Variants in SPG7 observed in about 807,000 individuals in gnomAD.
SPG7 encodes the protein SPG7 matrix AAA peptidase subunit, paraplegin.
SPG7 carries 103 observed loss-of-function variants against 81.9 expected under a neutral mutation model. That is an observed-to-expected ratio of 1.26 (90% CI 1.07 to 1.48). The LOEUF is 1.48. SPG7 is among the 40% of genes most tolerant of loss of function. The pLI is 0.00. For synonymous variants in SPG7, 534 were observed against 444.2 expected (o/e 1.20, Z -2.54); for missense variants, 1,241 against 1,087.3 (o/e 1.14, Z -1.99).
intron 13 of SPG7, 159 bp from the exon 14 acceptor site, chr16:89,552,820 A>C (rs2058649556): frequency 1.4e-6 from 1 of 708,128 alleles, no homozygotes. Flanking sequence ...TGGGCTGGCC[A>C]TCTAGAGTGT....
intron 6 of SPG7, chr16:89,530,337 G>C (rs1041703374): frequency 2.8e-6 from 1 of 363,554 alleles, no homozygotes; most frequent in African/African-American, 2.1e-5. Flanking sequence ...GGTAGAGACA[G>C]GTTTCACCGT....
At position 89,554,562 on chromosome 16, in the gene SPG7, C is replaced by T. The variant is rs760043860; in HGVS notation, c.2180C>T (p.Ala727Val). ...CAGGACAACCTGGACAAGTTGCAGGCGGTGAGGCCCTGGCCAGGCGTGGGG... is the reference window on the plus strand; with the variant it reads ...CAGGACAACCTGGACAAGTTGCAGGTGGTGAGGCCCTGGCCAGGCGTGGGG... ...VLQDNLDKLQ[A>V]LANALLEKEV... Residue 727 changes from alanine to valine, a missense_variant and splice_region_variant, in exon 16 of 17, where the codon GCG becomes GTG. Transcript: ENST00000645818. 1.9e-5 allele frequency: 31 copies of T among 1,606,564 alleles called. No individual in the cohort carries two copies. The highest frequency in any genetic ancestry group is 1.7e-4 in the Middle Eastern group (1 of 6,032).
Position 89,526,396 on chromosome 16 carries a change from C to G in SPG7, c.686C>G (p.Ala229Gly). The change falls in exon 5 of 17, where the codon GCT becomes GGT. Residue 229 changes from alanine (A) to glycine (G), a missense_variant. By Grantham distance (60) the Ala-to-Gly change is moderately conservative. Coordinates refer to ENST00000645818, the MANE Select transcript of SPG7 (RefSeq NM_003119.4). ...AAGTTTGAAGAGAAGCTTCGAGCAGCTGAAGATGAGCTGAATATCGAGGCC... is the reference window on the plus strand; with the variant it reads ...AAGTTTGAAGAGAAGCTTCGAGCAGGTGAAGATGAGCTGAATATCGAGGCC... The part of the protein sequence containing the change: ...IDKFEEKLRA[A>G]EDELNIEAKD... 6.2e-6 allele frequency: 10 copies of G among 1,614,188 alleles called. No homozygotes were observed. The highest frequency in any genetic ancestry group is 8.5e-6 in the Non-Finnish European group (10 of 1,180,034).
At chr16:89,545,023 C>T in intron 10 of SPG7, 2 of 556,546 alleles carry the variant, frequency 3.6e-6, no homozygotes, top group Non-Finnish European at 6.6e-6. Flanking sequence ...GCTGCACTCA[C>T]TGCTCGGGGT....
In SPG7 at chr16:89,556,925, T is replaced by C. The variant is rs773911442; in HGVS notation, c.2220T>C (p.Tyr740=). ...NALLEKEVIN[Y]EDIEALIGPP... Reference sequence around the variant, plus strand: ...TTCTGGAAAAGGAAGTGATAAACTATGAGGACATTGAGGCTCTCATTGGCC... The same window carrying C: ...TTCTGGAAAAGGAAGTGATAAACTACGAGGACATTGAGGCTCTCATTGGCC... Residue 740 remains tyrosine (Y), a synonymous_variant, in exon 17 of 17, where the codon TAT becomes TAC. Transcript: ENST00000645818. The C allele has an allele frequency of 1.2e-6, 2 of 1,614,068 alleles. No homozygotes were observed. Among genetic ancestry groups the C allele is most frequent in the African/African-American group, 2.7e-5 (2 of 75,030 alleles).
At chr16:89,531,280 T>TGAGG in intron 7 of SPG7, 1 of 260,668 alleles carries the variant, frequency 3.8e-6, no homozygotes, top group Non-Finnish European at 7.6e-6. Flanking sequence ...TCCTGGCACC[T>TGAGG]CGGGGCGCTG....
At chr16:89,533,838 G>A (rs1221551854) in intron 9 of SPG7, 7 of 151,850 alleles carry the variant, frequency 4.6e-5, no homozygotes, top group Admixed American at 2.0e-4. Context: ...GGATATTGTT[G>A]TGGTAAAATA....
chr16:89,553,706 C>T (rs751756956), intron 14 of SPG7, 88 bp from the exon 15 acceptor site: 14 of 1,342,798 alleles, frequency 1.0e-5, no homozygotes, highest in Non-Finnish European at 2.1e-6. Flanking sequence ...GTGGTGCTGC[C>T]TCAGTGCTCT....
At chr16:89,535,372 T>C (rs2058399712) in intron 9 of SPG7, among the ~76,000 whole-genome samples, 1 of 152,152 alleles carries the variant, frequency 6.6e-6, no homozygotes, top group Non-Finnish European at 1.5e-5. Context: ...TTCTCTAGGC[T>C]CTGAAAGCTC....
At chr16:89,510,739 A>C (rs2058009285) in intron 2 of SPG7, 147 bp downstream of exon 2, 1 of 679,636 alleles carries the variant, frequency 1.5e-6, no homozygotes, top group African/African-American at 1.8e-5. Context: ...ATCAGAGCTC[A>C]CTACAGCCTA....
At chr16:89,546,150 G>A (rs907007946) in intron 10 of SPG7, 65 of 293,752 alleles carry the variant, frequency 2.2e-4, no homozygotes, top group Admixed American at 5.4e-4. Flanking sequence ...GCAGCGGCGC[G>A]ATCTCGGCTC....
rs1377103388 is a variant in SPG7 at position 89,530,812 on chromosome 16, A to G, written c.987+4A>G. On this transcript the variant is annotated splice_donor_region_variant and intron_variant, in intron 7 of 16. Coordinates refer to ENST00000645818, the MANE Select transcript of SPG7 (RefSeq NM_003119.4). ...CGAGTTTGTGGATTATCTGAAGGTG[A>G]AAGCAGCGTGGGCCGGGAGGGAGGT... The G allele has an allele frequency of 1.9e-6, 3 of 1,614,032 alleles. No individual in the cohort carries two copies. Among genetic ancestry groups the G allele is most frequent in the South Asian group, 2.2e-5 (2 of 91,072 alleles).
intron 16 of SPG7, 192 bp downstream of exon 16, chr16:89,554,755 T>G (rs1364286478): frequency 1.7e-6 from 1 of 594,100 alleles, no homozygotes; most frequent in African/African-American, 1.8e-5. Flanking sequence ...GTCAAGTGTG[T>G]TCCCCCGAGG....
At chr16:89,531,558 G>C (rs1487832572) in intron 7 of SPG7, 2 of 338,410 alleles carry the variant, frequency 5.9e-6, no homozygotes, top group African/African-American at 4.3e-5. Flanking sequence ...ATTTTTAGTA[G>C]AGACGGGGTT....
rs137960804 is a variant in SPG7, at chr16:89,553,877, A to G, written c.2020A>G (p.Ile674Val). 2 of 1,613,326 alleles carry G rather than the reference A, an allele frequency of 1.2e-6. No individual in the cohort carries two copies. The highest frequency in any genetic ancestry group is 2.7e-5 in the African/African-American group (2 of 74,952). Residue 674 changes from isoleucine (I) to valine (V), a missense_variant, in exon 15 of 17, where the codon ATC (isoleucine) becomes GTC (valine). Physicochemically the swap from Ile to Val is conservative, Grantham distance 29. Transcript: ENST00000645818. ...TGGGATGGCACCTGGCATCGGGCCCATCTCCTTCCCTGAGGCGCAGGAGGG... is the reference window on the plus strand; with the variant it reads ...TGGGATGGCACCTGGCATCGGGCCCGTCTCCTTCCCTGAGGCGCAGGAGGG... ...QFGMAPGIGP[I>V]SFPEAQEGLM...
Position 89,511,342 on chromosome 16 carries a change from T to G in SPG7, c.286+750T>G, listed in dbSNP as rs187631587. ...AATCATTTAATGAAACCTTGTGACA[T>G]TCTTTGGTCTCTCTTGGCTTTAGGT... On this transcript the variant is annotated intron_variant, in intron 2 of 16. Coordinates refer to ENST00000645818, the MANE Select transcript of SPG7 (RefSeq NM_003119.4). Among the ~76,000 whole-genome samples, 296 of 152,336 alleles carry G rather than the reference T, an allele frequency of 1.9e-3. 1 individual carries two copies. The highest frequency in any genetic ancestry group is 6.4e-3 in the African/African-American group (266 of 41,590).
intron 13 of SPG7, chr16:89,551,367 C>T (rs909182274): frequency 1.9e-5 from 3 of 156,332 alleles, no homozygotes; most frequent in Admixed American, 6.1e-5. Flanking sequence ...TGCTGGTCTC[C>T]GTGATTGGTT....
intron 1 of SPG7, among the ~76,000 whole-genome samples, chr16:89,510,057 C>T (rs138211414): frequency 1.3e-5 from 2 of 152,012 alleles, no homozygotes; most frequent in Non-Finnish European, 2.9e-5. Context: ...TTACTGCAAC[C>T]TCTGCCTCCC....
Position 89,554,576 on chromosome 16 carries a change from C to A in SPG7, c.2181+13C>A. ...CAAGTTGCAGGCGGTGAGGCCCTGG[C>A]CAGGCGTGGGGGCTACGGCGTCACA... On this transcript the variant is annotated intron_variant, in intron 16 of 16. Transcript: ENST00000645818. 2 of 1,597,070 alleles carry A rather than the reference C, an allele frequency of 1.3e-6. No homozygotes were observed. The highest frequency in any genetic ancestry group is 3.3e-5 in the Admixed American group (2 of 59,916).
Sources: allele counts gnomAD v4.1 joint callset (sites outside exome capture counted in the v4.1 genomes callset), GRCh38; gene constraint gnomAD v4.1.1; transcripts MANE v1.5; gene names NCBI Gene and HGNC (gene_info 2026-07-23, HGNC 2026-07-21).